The following ANKRD30A variants were observed in gnomAD, a reference collection of about 807,000 sequenced individuals.
The protein encoded by ANKRD30A is ankyrin repeat domain-containing protein 30A.
In ANKRD30A, 170 loss-of-function variants were observed where a neutral mutation model predicts 166.3. The observed-to-expected ratio is 1.02, with a 90% CI of 0.90 to 1.16. ANKRD30A has a LOEUF of 1.16. Ranked by LOEUF, ANKRD30A falls within the 50% of genes most tolerant of loss-of-function variation. The pLI, the probability that ANKRD30A is intolerant of heterozygous loss-of-function variation, is 0.00. For missense variants in ANKRD30A, 1,630 were observed against 1,518.0 expected (o/e 1.07, Z -1.23); for synonymous variants, 564 against 508.9 (o/e 1.11, Z -1.46).
rs753237738 is a variant in ANKRD30A, at chr10:37,216,262, A to C, written c.2951A>C (p.Gln984Pro). Residue 984 changes from glutamine (Q) to proline (P), a missense_variant, in exon 32 of 36, where the codon CAA (glutamine) becomes CCA (proline). Transcript: ENST00000361713. ...ARELQKDHCE[Q>P]RTGKMEQMKK... ...GAACTTCAAAAAGATCACTGTGAACAACGTACAGGAAAAATGGAACAAATG... is the reference window on the plus strand; with the variant it reads ...GAACTTCAAAAAGATCACTGTGAACCACGTACAGGAAAAATGGAACAAATG... The C allele has an allele frequency of 8.7e-6, 14 of 1,608,672 alleles. No homozygotes were observed. Among genetic ancestry groups the C allele is most frequent in the Non-Finnish European group, 1.2e-5 (14 of 1,176,226 alleles).
At chr10:37,225,818 T>C (rs1843121713) in intron 34 of ANKRD30A, among the ~76,000 whole-genome samples, 1 of 151,848 alleles carries the variant, frequency 6.6e-6, no homozygotes, top group Non-Finnish European at 1.5e-5. Flanking sequence ...TAGTGAGATA[T>C]AATTAACATG....
Position 37,201,138 on chromosome 10 carries a change from A to C in ANKRD30A, c.2779-97A>C, listed in dbSNP as rs1272765134. ...TAAGTTGAATTGCTTGCAAAATAGGACTTTTTTTTAAAAAAAGATTTTAAT... is the reference window on the plus strand; with the variant it reads ...TAAGTTGAATTGCTTGCAAAATAGGCCTTTTTTTTAAAAAAAGATTTTAAT... On this transcript the variant is annotated intron_variant, in intron 30 of 35. Coordinates refer to ENST00000361713, the MANE Select transcript of ANKRD30A (RefSeq NM_052997.3). 4 of 983,360 alleles carry C rather than the reference A, an allele frequency of 4.1e-6. No individual in the cohort carries two copies. The African/African-American group carries it at 5.3e-5, about 13-fold the overall frequency. The allele number at this position is 983,360 out of a possible 1,614,324, so 60.9% of individuals were successfully genotyped here.
At chr10:37,246,124 A>G in the ANKRD30A span, among the ~76,000 whole-genome samples, 1 of 152,310 alleles carries the variant, frequency 6.6e-6, no homozygotes, top group South Asian at 2.1e-4. Context: ...AAGTGAGAAC[A>G]CCAAGGTGCA....
At chr10:37,243,387 G>T in the ANKRD30A span, among the ~76,000 whole-genome samples, 1 of 150,276 alleles carries the variant, frequency 6.7e-6, no homozygotes, top group Non-Finnish European at 1.5e-5. Flanking sequence ...CTCGTGATCC[G>T]CCCGCCTCGG....
chr10:37,199,614 G>T, intron 29 of ANKRD30A, 113 bp from the exon 30 acceptor site: 3 of 562,638 alleles, frequency 5.3e-6, no homozygotes, highest in Non-Finnish European at 6.3e-6. Context: ...AAGAATATAC[G>T]GGCTACAGAG....
intron 6 of ANKRD30A, among the ~76,000 whole-genome samples, 177 bp from the exon 7 acceptor site, chr10:37,141,541 C>G (rs1309243482): frequency 1.4e-5 from 2 of 143,940 alleles, no homozygotes; most frequent in Non-Finnish European, 3.0e-5. Context: ...CCACTGCACT[C>G]CAGCATGGGT....
At chr10:37,161,749 G>A (rs1464136752) in intron 15 of ANKRD30A, among the ~76,000 whole-genome samples, 2 of 152,264 alleles carry the variant, frequency 1.3e-5, no homozygotes, top group South Asian at 2.1e-4. Flanking sequence ...CTATACAAAT[G>A]ACACATATTG....
At chr10:37,153,092 G>A (rs17590279) in intron 12 of ANKRD30A, among the ~76,000 whole-genome samples, 2 of 152,032 alleles carry the variant, frequency 1.3e-5, no homozygotes, top group African/African-American at 4.8e-5. Flanking sequence ...CATACATTCT[G>A]TGACAGACTC....
At chr10:37,246,720 G>A in the ANKRD30A span, among the ~76,000 whole-genome samples, 36 of 152,086 alleles carry the variant, frequency 2.4e-4, no homozygotes, top group African/African-American at 8.7e-4. Flanking sequence ...AGATATAGAG[G>A]CATTAAGGAT....
At chr10:37,193,561 T>A (rs552933241) in intron 27 of ANKRD30A, among the ~76,000 whole-genome samples, 1 of 152,178 alleles carries the variant, frequency 6.6e-6, no homozygotes, top group African/African-American at 2.4e-5. Flanking sequence ...ATTTTGAGAC[T>A]GTGAAATATT....
chr10:37,233,470 T>C (rs2132771046), downstream of ANKRD30A, among the ~76,000 whole-genome samples: 1 of 152,274 alleles, frequency 6.6e-6, no homozygotes, highest in East Asian at 1.9e-4. Flanking sequence ...TAAATACAAA[T>C]GCAGTGCAGG....
Position 37,125,899 on chromosome 10 carries a change from G to T in ANKRD30A, c.112G>T (p.Asp38Tyr). Residue 38 changes from aspartate (D) to tyrosine (Y), a missense_variant, in exon 1 of 36, where the codon GAT becomes TAT. Asp to Tyr is a radical substitution (Grantham distance 160). Transcript: ENST00000361713. ...SNDSYIVHSG[D>Y]LRKIHKAASR... ...CGACTCCTACATCGTCCACTCTGGG[G>T]ATCTTAGAAAGATCCATAAAGCTGC... is the stretch of plus-strand genomic sequence containing the variant. 3.8e-6 allele frequency: 6 copies of T among 1,589,264 alleles called. No individual in the cohort carries two copies. The South Asian group carries it at 6.6e-5, about 18-fold the overall frequency.
chr10:37,213,547 C>T (rs998881664), intron 31 of ANKRD30A, among the ~76,000 whole-genome samples: 3 of 123,146 alleles, frequency 2.4e-5, no homozygotes, highest in Admixed American at 8.7e-5. Flanking sequence ...TTACTTTTTT[C>T]TTCTTCTTCT....
intron 27 of ANKRD30A, among the ~76,000 whole-genome samples, chr10:37,193,775 G>T (rs186337228): frequency 1.3e-5 from 2 of 151,986 alleles, no homozygotes; most frequent in African/African-American, 2.4e-5. Flanking sequence ...GTCTAGACAC[G>T]GTGTTTTAGA....
At chr10:37,193,763 T>G (rs1171808174) in intron 27 of ANKRD30A, among the ~76,000 whole-genome samples, 1 of 152,148 alleles carries the variant, frequency 6.6e-6, no homozygotes, top group African/African-American at 2.4e-5. Flanking sequence ...TTGATGACTC[T>G]TGTCTAGACA....
At chr10:37,146,575 G>A (rs1837529252) in intron 8 of ANKRD30A, among the ~76,000 whole-genome samples, 1 of 152,188 alleles carries the variant, frequency 6.6e-6, no homozygotes, top group African/African-American at 2.4e-5. Flanking sequence ...CCAGCTGAGG[G>A]CGTCTGAGTG....
intron 6 of ANKRD30A, among the ~76,000 whole-genome samples, chr10:37,137,451 G>A (rs1184079732): frequency 6.6e-6 from 1 of 152,166 alleles, no homozygotes; most frequent in Non-Finnish European, 1.5e-5. Context: ...GAAGCGCAAG[G>A]GGTCAGGGAA....
At chr10:37,131,915 C>T (rs897425303) in intron 3 of ANKRD30A, among the ~76,000 whole-genome samples, 33 of 152,126 alleles carry the variant, frequency 2.2e-4, no homozygotes, top group African/African-American at 7.7e-4. Flanking sequence ...AAAGTATTTA[C>T]TACTATGTCT....
intron 17 of ANKRD30A, among the ~76,000 whole-genome samples, 162 bp from the exon 18 acceptor site, chr10:37,164,932 T>A (rs1332735730): frequency 1.3e-5 from 2 of 152,096 alleles, no homozygotes; most frequent in African/African-American, 4.8e-5. Context: ...TTTCAATTCT[T>A]TTGGAATGAC....
Sources: allele counts gnomAD v4.1 joint callset (sites outside exome capture counted in the v4.1 genomes callset), GRCh38; gene constraint gnomAD v4.1.1; transcripts MANE v1.5; gene names NCBI Gene and HGNC (gene_info 2026-07-23, HGNC 2026-07-21).